The following ZFHX4 variants were observed in gnomAD, a reference collection of about 807,000 sequenced individuals.
The protein encoded by ZFHX4 is zinc finger homeobox 4, also known as zinc finger homeobox protein 4.
A neutral mutation model predicts 267.6 loss-of-function variants in ZFHX4; 56 were observed. That is an observed-to-expected ratio of 0.21 (90% CI 0.17 to 0.26). ZFHX4 has a LOEUF of 0.26. ZFHX4 is among the 10% of genes least tolerant of loss of function. ZFHX4 has a pLI of 1.00. For synonymous variants in ZFHX4, 1,778 were observed against 1,665.6 expected (o/e 1.07, Z -1.64); for missense variants, 4,332 against 4,420.0 (o/e 0.98, Z 0.56).
At chr8:76,784,258 G>A (rs1585941391) in intron 4 of ZFHX4, among the ~76,000 whole-genome samples, 5 of 151,488 alleles carry the variant, frequency 3.3e-5, no homozygotes, top group African/African-American at 1.2e-4. Flanking sequence ...TTAGATGTGA[G>A]AAAATAAGGC....
At chr8:76,787,361 G>A (rs977074472) in intron 4 of ZFHX4, among the ~76,000 whole-genome samples, 1 of 152,122 alleles carries the variant, frequency 6.6e-6, no homozygotes, top group African/African-American at 2.4e-5. Context: ...AACAAGGGGA[G>A]AGGGAAGTGA....
intron 3 of ZFHX4, among the ~76,000 whole-genome samples, chr8:76,770,855 T>C (rs1463235913): frequency 6.6e-6 from 1 of 152,098 alleles, no homozygotes; most frequent in African/African-American, 2.4e-5. Context: ...ACTTGGAAGA[T>C]CTAAAATCAG....
At chr8:76,750,614 T>G (rs143822484) in intron 3 of ZFHX4, among the ~76,000 whole-genome samples, 1 of 152,190 alleles carries the variant, frequency 6.6e-6, no homozygotes. Flanking sequence ...GTCTTTGTGA[T>G]ATTTTCCACT....
rs779091514 is a variant in ZFHX4, at chr8:76,854,259, A to C, written c.7338A>C (p.Pro2446=). The change falls in exon 10 of 11, where the codon CCA becomes CCC. Residue 2446 remains proline, a synonymous_variant. Coordinates refer to ENST00000651372, the MANE Select transcript of ZFHX4 (RefSeq NM_024721.5). The part of the protein sequence containing the change: ...SDPPQASTAQ[P]QPQPQPPKQP... ...CACCACAGGCATCCACAGCCCAGCCACAGCCACAGCCACAGCCACCAAAAC... is the reference window on the plus strand; with the variant it reads ...CACCACAGGCATCCACAGCCCAGCCCCAGCCACAGCCACAGCCACCAAAAC... The C allele has an allele frequency of 1.9e-6, 3 of 1,577,092 alleles. No homozygotes were observed. The African/African-American group carries it at 4.1e-5, about 21-fold the overall frequency.
At position 76,864,338 on chromosome 8, in the gene ZFHX4, C is replaced by G. The variant is rs769404933; in HGVS notation, c.10624C>G (p.Pro3542Ala). ...GTCTGCCAGGAGAGCTGCTTCTCCC[C>G]CTTCTTCTCCTCCTTCCCTTTCCTT... Reference protein sequence around the residue: ...QASARRAASPPSSPPSLSLPS... With the variant: ...QASARRAASPASSPPSLSLPS... Residue 3542 changes from proline to alanine, a missense_variant, in exon 11 of 11, where the codon CCT (proline) becomes GCT (alanine). Around this residue, in one of 7 missense-constraint regions of ZFHX4, gnomAD observed 1,648 missense variants for 1,625.0 expected, o/e 1.01. Transcript: ENST00000651372. 25 of 1,613,830 alleles carry G rather than the reference C, an allele frequency of 1.5e-5. No individual in the cohort carries two copies. The highest frequency in any genetic ancestry group is 3.3e-4 in the Middle Eastern group (2 of 6,060).
At chr8:76,690,322 T>C (rs1433044625) in intron 1 of ZFHX4, among the ~76,000 whole-genome samples, 1 of 152,104 alleles carries the variant, frequency 6.6e-6, no homozygotes, top group Non-Finnish European at 1.5e-5. Context: ...AGGAAATCCA[T>C]AGTTCTAACA....
chr8:76,849,342 C>A (rs1297415097), intron 7 of ZFHX4, among the ~76,000 whole-genome samples, 170 bp from the exon 8 acceptor site: 1 of 152,118 alleles, frequency 6.6e-6, no homozygotes, highest in Non-Finnish European at 1.5e-5. Context: ...GGTCTTAGTA[C>A]AAGAAATAGT....
At chr8:76,840,730 C>T (rs1812212047) in intron 5 of ZFHX4, among the ~76,000 whole-genome samples, 1 of 152,148 alleles carries the variant, frequency 6.6e-6, no homozygotes, top group African/African-American at 2.4e-5. Flanking sequence ...TCCTGCATCC[C>T]TTCCCCGGGA....
chr8:76,841,999 A>G (rs939422401), intron 5 of ZFHX4, among the ~76,000 whole-genome samples: 13 of 152,144 alleles, frequency 8.5e-5, no homozygotes, highest in Admixed American at 3.9e-4. Context: ...TTGAGTTACT[A>G]TGAGGATTTC....
At position 76,852,428 on chromosome 8, in the gene ZFHX4, A is replaced by G. The variant is rs977577158; in HGVS notation, c.5507A>G (p.Gln1836Arg). 6.4e-7 allele frequency: 1 copy of G among 1,559,102 alleles called. No individual in the cohort carries two copies. The highest frequency in any genetic ancestry group is 8.7e-7 in the Non-Finnish European group (1 of 1,151,042). ...QQQQASKLLK[Q>R]EQSNIVSADC... ...CAGCAGGCAAGCAAATTATTGAAAC[A>G]AGAGCAAAGTAACATAGTGAGTGCA... is the stretch of plus-strand genomic sequence containing the variant. The change falls in exon 10 of 11, where the codon CAA becomes CGA. Residue 1836 changes from glutamine to arginine, a missense_variant. Gln to Arg is a conservative substitution (Grantham distance 43, BLOSUM62 1). Around this residue, in one of 7 missense-constraint regions of ZFHX4, gnomAD observed 1,371 missense variants for 1,423.1 expected, o/e 0.96. Coordinates refer to ENST00000651372, the MANE Select transcript of ZFHX4 (RefSeq NM_024721.5).
At chr8:76,773,269 T>G (rs1003014957) in intron 3 of ZFHX4, among the ~76,000 whole-genome samples, 1 of 152,164 alleles carries the variant, frequency 6.6e-6, no homozygotes, top group African/African-American at 2.4e-5. Context: ...ATATTCAGAC[T>G]ATAGTCAGAT....
chr8:76,743,095 G>C (rs1174256253), intron 3 of ZFHX4, among the ~76,000 whole-genome samples: 1 of 152,116 alleles, frequency 6.6e-6, no homozygotes, highest in East Asian at 1.9e-4. Flanking sequence ...TCTTTCCAGT[G>C]CAGAAGTATG....
chr8:76,746,519 CT>C (rs1218196283), intron 3 of ZFHX4, among the ~76,000 whole-genome samples: 2 of 152,140 alleles, frequency 1.3e-5, no homozygotes, highest in Non-Finnish European at 2.9e-5. Flanking sequence ...GAACTTCATT[CT>C]TTTGAAATGC....
At chr8:76,848,920 G>A (rs951394808) in intron 6 of ZFHX4, 75 bp from the exon 7 acceptor site, 4 of 1,383,184 alleles carry the variant, frequency 2.9e-6, no homozygotes, top group African/African-American at 1.5e-5. Flanking sequence ...AGTCGCAAAT[G>A]TTTGAAAAAC....
intron 1 of ZFHX4, among the ~76,000 whole-genome samples, chr8:76,684,559 T>C (rs1040712714): frequency 6.6e-6 from 1 of 152,144 alleles, no homozygotes; most frequent in East Asian, 1.9e-4. Context: ...CAATGAAATA[T>C]GGGGGAAATA....
At chr8:76,839,086 AGAGAGAGAGAGAG>A (rs1812168551) in intron 5 of ZFHX4, among the ~76,000 whole-genome samples, 2 of 149,912 alleles carry the variant, frequency 1.3e-5, no homozygotes, top group African/African-American at 5.0e-5. Context: ...AGAGAGAGAG[AGAGAGAGAGAGAG>A]AAGGACAATG....
chr8:76,689,448 G>A (rs1285071496), intron 1 of ZFHX4, among the ~76,000 whole-genome samples: 3 of 152,146 alleles, frequency 2.0e-5, no homozygotes, highest in African/African-American at 7.2e-5. Flanking sequence ...TATGTGAACA[G>A]ATGGACACAT....
At chr8:76,695,387 A>G (rs1042173633) in intron 1 of ZFHX4, among the ~76,000 whole-genome samples, 2 of 152,214 alleles carry the variant, frequency 1.3e-5, no homozygotes, top group African/African-American at 4.8e-5. Flanking sequence ...TCCATTTGAA[A>G]AGTTTTCAGA....
intron 8 of ZFHX4, 23 bp from the exon 9 acceptor site, chr8:76,850,222 A>G: frequency 6.3e-7 from 1 of 1,583,346 alleles, no homozygotes; most frequent in South Asian, 1.1e-5. Flanking sequence ...TACATTTAAC[A>G]TAAACCCCTT....
Sources: allele counts gnomAD v4.1 joint callset (sites outside exome capture counted in the v4.1 genomes callset), GRCh38; gene constraint gnomAD v4.1.1; regional missense constraint gnomAD v4.1.1; transcripts MANE v1.5; gene names NCBI Gene and HGNC (gene_info 2026-07-23, HGNC 2026-07-21).